Variants in STARD13 observed in about 807,000 individuals in gnomAD.
STARD13 encodes the protein StAR related lipid transfer domain containing 13.
STARD13 carries 62 observed loss-of-function variants against 106.4 expected under a neutral mutation model. That is an observed-to-expected ratio of 0.58 (90% CI 0.48 to 0.72). The LOEUF is 0.72. STARD13 is among the 30% of genes least tolerant of loss of function. The pLI is 0.00. For missense variants in STARD13, 1,387 were observed against 1,424.0 expected (o/e 0.97, Z 0.42); for synonymous variants, 565 against 553.0 (o/e 1.02, Z -0.31).
At chr13:33,366,045 T>C in the STARD13 span, among the ~76,000 whole-genome samples, 48 of 152,174 alleles carry the variant, frequency 3.2e-4, no homozygotes, top group Non-Finnish European at 5.6e-4. The surrounding 1 kb of genome is among the most constrained non-coding windows in gnomAD (Gnocchi z 4.2). Context: ...TAGAGACTTT[T>C]ATCACTAAAA....
At chr13:33,583,478 A>G in the STARD13 span, among the ~76,000 whole-genome samples, 1 of 152,012 alleles carries the variant, frequency 6.6e-6, no homozygotes, top group Non-Finnish European at 1.5e-5. Context: ...TCCGTCTTAG[A>G]CCTTTTTTTT....
chr13:33,184,318 G>A (rs1296464836), intron 1 of STARD13, among the ~76,000 whole-genome samples: 1 of 152,212 alleles, frequency 6.6e-6, no homozygotes, highest in African/African-American at 2.4e-5. Context: ...TGCCATGGCT[G>A]TTGTTAAGAA....
intron 1 of STARD13, among the ~76,000 whole-genome samples, chr13:33,257,097 A>T (rs1384594763): frequency 6.6e-6 from 1 of 152,236 alleles, no homozygotes; most frequent in African/African-American, 2.4e-5. Context: ...TGTTGATTGG[A>T]AGAGATCATG....
At chr13:33,643,302 T>C in the STARD13 span, among the ~76,000 whole-genome samples, 2 of 152,230 alleles carry the variant, frequency 1.3e-5, no homozygotes, top group East Asian at 3.9e-4. Flanking sequence ...GCTGCGTATT[T>C]GCCTGTTTTG....
intron 8 of STARD13, among the ~76,000 whole-genome samples, chr13:33,116,074 A>G (rs142247560): frequency 2.6e-5 from 4 of 152,190 alleles, no homozygotes; most frequent in East Asian, 1.9e-4. Context: ...CGGTTCCCCA[A>G]TGCTTAATGA....
chr13:33,154,782 T>C (rs551549922), intron 3 of STARD13, among the ~76,000 whole-genome samples: 1 of 152,198 alleles, frequency 6.6e-6, no homozygotes, highest in South Asian at 2.1e-4. Context: ...ATAATTTTTC[T>C]AGTGAGAACT....
chr13:33,220,694 A>AAAAT (rs1888309237), intron 1 of STARD13, among the ~76,000 whole-genome samples: 1 of 151,396 alleles, frequency 6.6e-6, no homozygotes, highest in Non-Finnish European at 1.5e-5. Context: ...TCCATCTCAA[A>AAAAT]AAATAAATAA....
chr13:33,272,994 T>C (rs1350074532), intron 1 of STARD13: 2 of 152,248 alleles, frequency 1.3e-5, no homozygotes, highest in Admixed American at 6.5e-5. Context: ...CAATTGCAGC[T>C]GCATGCCGCC....
chr13:33,470,541 C>T, the STARD13 span, among the ~76,000 whole-genome samples: 6 of 152,208 alleles, frequency 3.9e-5, no homozygotes, highest in African/African-American at 1.4e-4. Flanking sequence ...CTCTCACCAA[C>T]AGTGTAAAAG....
chr13:33,361,265 G>C, the STARD13 span, among the ~76,000 whole-genome samples: 7 of 151,452 alleles, frequency 4.6e-5, no homozygotes, highest in South Asian at 1.5e-3. Flanking sequence ...AGACCTTTGT[G>C]ACGATCCACT....
chr13:33,206,767 C>T (rs1257936575), intron 1 of STARD13, among the ~76,000 whole-genome samples: 1 of 152,200 alleles, frequency 6.6e-6, no homozygotes, highest in Admixed American at 6.5e-5. Flanking sequence ...CTTTCGTATA[C>T]TGCATGCTCG....
chr13:33,486,393 T>C, the STARD13 span, among the ~76,000 whole-genome samples: 1 of 152,202 alleles, frequency 6.6e-6, no homozygotes, highest in African/African-American at 2.4e-5. Flanking sequence ...TGTTTTTTCC[T>C]ATATGTACCT....
At chr13:33,141,113 G>A (rs1879766448) in intron 4 of STARD13, among the ~76,000 whole-genome samples, 1 of 152,144 alleles carries the variant, frequency 6.6e-6, no homozygotes, top group Non-Finnish European at 1.5e-5. Context: ...AAAATATATG[G>A]AGGCTTGAGT....
chr13:33,531,392 A>G, the STARD13 span, among the ~76,000 whole-genome samples: 1 of 152,296 alleles, frequency 6.6e-6, no homozygotes, highest in Admixed American at 6.5e-5. Context: ...GTTTCAATCC[A>G]TTGCAATTAT....
intron 4 of STARD13, among the ~76,000 whole-genome samples, chr13:33,140,746 A>G (rs1879700226): frequency 6.6e-6 from 1 of 152,010 alleles, no homozygotes; most frequent in Non-Finnish European, 1.5e-5. Flanking sequence ...AGACCAGGAT[A>G]AAAACACTTT....
At chr13:33,384,387 C>G in the STARD13 span, among the ~76,000 whole-genome samples, 1 of 152,170 alleles carries the variant, frequency 6.6e-6, no homozygotes, top group Non-Finnish European at 1.5e-5. Context: ...ATCACAGAAA[C>G]CACTCAGTAG....
At chr13:33,595,682 G>A in the STARD13 span, among the ~76,000 whole-genome samples, 2 of 152,096 alleles carry the variant, frequency 1.3e-5, no homozygotes, top group African/African-American at 4.8e-5. Flanking sequence ...TCACTCAGGG[G>A]AACCAAATAC....
chr13:33,114,870 T>C (rs905015305), intron 8 of STARD13, among the ~76,000 whole-genome samples: 4 of 152,104 alleles, frequency 2.6e-5, no homozygotes, highest in Admixed American at 2.6e-4. Context: ...AATACCTAAA[T>C]TCAGCATTTG....
At chr13:33,551,480 C>A in the STARD13 span, among the ~76,000 whole-genome samples, 4 of 148,154 alleles carry the variant, frequency 2.7e-5, no homozygotes, top group Non-Finnish European at 5.9e-5. Flanking sequence ...ATTAAATACT[C>A]CAACCAAAAG....
Sources: allele counts gnomAD v4.1 joint callset (sites outside exome capture counted in the v4.1 genomes callset), GRCh38; gene constraint gnomAD v4.1.1; non-coding constraint Gnocchi (gnomAD v3.1); transcripts MANE v1.5; gene names NCBI Gene and HGNC (gene_info 2026-07-23, HGNC 2026-07-21).